Variants in H4C2 observed in about 807,000 individuals in gnomAD.
H4C2 encodes the protein histone H4.
H4C2 carries 8 observed loss-of-function variants against 5.0 expected under a neutral mutation model. The ratio of observed to expected loss-of-function variants is 1.61; its 90% confidence interval spans 0.94 to 2.90. The LOEUF is 2.90. Ranked by LOEUF, H4C2 falls within the 30% of genes most tolerant of loss-of-function variation. The pLI, the probability that H4C2 is intolerant of heterozygous loss-of-function variation, is 0.00. For missense variants in H4C2, 267 were observed against 145.6 expected (o/e 1.83, Z -4.29); for synonymous variants, 145 against 54.0 (o/e 2.69, Z -7.39).
chr6:26,027,031 C>G lies in H4C2; in HGVS notation c.222G>C (p.Thr74=), dbSNP rs776451272. The change falls in exon 1 of 1, where the codon ACG becomes ACC. Residue 74 remains threonine, a synonymous_variant. Transcript: ENST00000377745. ...TGACAGTCTTGCGCTTGGCGTGCTCCGTGTAGGTCACGGCGTCCCGGATCA... is the reference window on the plus strand; with the variant it reads ...TGACAGTCTTGCGCTTGGCGTGCTCGGTGTAGGTCACGGCGTCCCGGATCA... ...ENVIRDAVTY[T]EHAKRKTVTA... The G allele has an allele frequency of 6.2e-7, 1 of 1,614,182 alleles. No individual in the cohort carries two copies. The highest frequency in any genetic ancestry group is 8.5e-7 in the Non-Finnish European group (1 of 1,180,002).
In H4C2 at chr6:26,026,917, A is replaced by G; in HGVS notation, c.*24T>C. On this transcript the variant is annotated 3_prime_UTR_variant, in exon 1 of 1. Coordinates refer to ENST00000377745, the MANE Select transcript of H4C2 (RefSeq NM_003544.3). ...GGAGTGGGCGGCCCTGAAAAGGGCC[A>G]TTGGAAGAAAACTGACGAAAAGATT... 1 of 1,586,546 alleles carries G rather than the reference A, an allele frequency of 6.3e-7. No individual in the cohort carries two copies. The highest frequency in any genetic ancestry group is 1.2e-5 in the South Asian group (1 of 86,600).
chr6:26,027,122 A>G lies in H4C2; in HGVS notation c.131T>C (p.Val44Ala). 1 of 1,614,104 alleles carries G rather than the reference A, an allele frequency of 6.2e-7. No individual in the cohort carries two copies. The highest frequency in any genetic ancestry group is 8.5e-7 in the Non-Finnish European group (1 of 1,180,006). The change falls in exon 1 of 1, where the codon GTT becomes GCT. Residue 44 changes from valine (V) to alanine (A), a missense_variant. By Grantham distance (64) the Val-to-Ala change is moderately conservative. Coordinates refer to ENST00000377745, the MANE Select transcript of H4C2 (RefSeq NM_003544.3). The part of the protein sequence containing the change: ...AIRRLARRGG[V>A]KRISGLIYEE... Reference sequence around the variant, plus strand: ...ATAAATCAAACCGGAAATTCGCTTAACCCCACCACGCCTAGCAAGGCGCCG... The same window carrying G: ...ATAAATCAAACCGGAAATTCGCTTAGCCCCACCACGCCTAGCAAGGCGCCG...
rs772427705 is a variant in H4C2, at chr6:26,027,237, T to C, written c.16A>G (p.Lys6Glu). Residue 6 changes from lysine to glutamate, a missense_variant, in exon 1 of 1, where the codon AAA becomes GAA. Lys to Glu is a moderately conservative substitution (Grantham distance 56). Coordinates refer to ENST00000377745, the MANE Select transcript of H4C2 (RefSeq NM_003544.3). MSGRG[K>E]GGKGLGKGGA... is the part of the protein sequence containing the mutation. ...CCCTTACCCAAACCTTTACCGCCTT[T>C]GCCGCGACCAGACATGTCTAACCAG... The C allele has an allele frequency of 1.2e-6, 2 of 1,605,400 alleles. No homozygotes were observed. Among genetic ancestry groups the C allele is most frequent in the Non-Finnish European group, 1.7e-6 (2 of 1,172,620 alleles).
In H4C2 at chr6:26,027,283, C is replaced by G. The variant is rs370377709; in HGVS notation, c.-31G>C. 2 of 1,574,820 alleles carry G rather than the reference C, an allele frequency of 1.3e-6. No individual in the cohort carries two copies. The highest frequency in any genetic ancestry group is 1.8e-5 in the Admixed American group (1 of 56,844). On this transcript the variant is annotated 5_prime_UTR_variant, in exon 1 of 1. Coordinates refer to ENST00000377745, the MANE Select transcript of H4C2 (RefSeq NM_003544.3). The stretch of plus-strand genomic sequence containing the variant: ...ACCAGCTGACAACAAAAACCAGGTA[C>G]GCGAAAAGAAAGCAAGCCACGAGCA...
In H4C2 at chr6:26,026,976, GCTTGAGCGCGTAA is replaced by G; in HGVS notation, c.264_276del (p.Tyr89ValfsTer?). 1 of 1,614,000 alleles carries G rather than the reference GCTTGAGCGCGTAA, an allele frequency of 6.2e-7. No homozygotes were observed. Among genetic ancestry groups the G allele is most frequent in the Non-Finnish European group, 8.5e-7 (1 of 1,179,860 alleles). ...AAGCCGTACAGAGTGCGTCCTTGAC[GCTTGAGCGCGTAA>G]ACCACATCCATGGCAGTGACAGTCT... On this transcript the variant is annotated frameshift_variant, in exon 1 of 1. Coordinates refer to ENST00000377745, the MANE Select transcript of H4C2 (RefSeq NM_003544.3). LOFTEE classifies it high-confidence loss of function.
At position 26,027,205 on chromosome 6, in the gene H4C2, G is replaced by GC; in HGVS notation, c.47_48insG (p.Lys17GlnfsTer10). 1 of 1,613,652 alleles carries GC rather than the reference G, an allele frequency of 6.2e-7. No individual in the cohort carries two copies. The highest frequency in any genetic ancestry group is 8.5e-7 in the Non-Finnish European group (1 of 1,179,664). On this transcript the variant is annotated frameshift_variant, in exon 1 of 1. Transcript: ENST00000377745. LOFTEE classifies it high-confidence loss of function. Reference sequence around the variant, plus strand: ...CCCGCAGCACTTTTCGGTGACGCTTGGCACCTCCCTTACCCAAACCTTTAC... The same window carrying GC: ...CCCGCAGCACTTTTCGGTGACGCTTGCGCACCTCCCTTACCCAAACCTTTAC...
rs774582253 is a variant in H4C2, at chr6:26,027,067, A to G, written c.186T>C (p.Phe62=). 79 of 1,614,054 alleles carry G rather than the reference A, an allele frequency of 4.9e-5. No individual in the cohort carries two copies. Among genetic ancestry groups the G allele is most frequent in the Non-Finnish European group, 6.0e-5 (71 of 1,180,026 alleles). Residue 62 remains phenylalanine (F), a synonymous_variant, in exon 1 of 1, where the codon TTT becomes TTC. Coordinates refer to ENST00000377745, the MANE Select transcript of H4C2 (RefSeq NM_003544.3). ...YEETRGVLKV[F]LENVIRDAVT... ...CGGCGTCCCGGATCACGTTCTCCAG[A>G]AACACCTTGAGAACGCCACGAGTCT...
Position 26,027,237 on chromosome 6 carries a change from TG to T in H4C2, c.15del (p.Gly7AlafsTer44). 3 of 1,605,400 alleles carry T rather than the reference TG, an allele frequency of 1.9e-6. No homozygotes were observed. The highest frequency in any genetic ancestry group is 1.1e-5 in the South Asian group (1 of 90,970). On this transcript the variant is annotated frameshift_variant, in exon 1 of 1. Transcript: ENST00000377745. LOFTEE classifies it high-confidence loss of function. MSGR[G>X]KGGKGLGKGG... ...CCCTTACCCAAACCTTTACCGCCTT[TG>T]CCGCGACCAGACATGTCTAACCAGC...
Position 26,027,043 on chromosome 6 carries a change from G to A in H4C2, c.210C>T (p.Ala70=), listed in dbSNP as rs761834115. 1.1e-5 allele frequency: 17 copies of A among 1,614,012 alleles called. No individual in the cohort carries two copies. Among genetic ancestry groups the A allele is most frequent in the South Asian group, 6.6e-5 (6 of 91,082 alleles). ...KVFLENVIRD[A]VTYTEHAKRK... Reference sequence around the variant, plus strand: ...GCTTGGCGTGCTCCGTGTAGGTCACGGCGTCCCGGATCACGTTCTCCAGAA... The same window carrying A: ...GCTTGGCGTGCTCCGTGTAGGTCACAGCGTCCCGGATCACGTTCTCCAGAA... Residue 70 remains alanine (A), a synonymous_variant, in exon 1 of 1, where the codon GCC becomes GCT. Transcript: ENST00000377745.
At position 26,027,061 on chromosome 6, in the gene H4C2, C is replaced by T. The variant is rs769615653; in HGVS notation, c.192G>A (p.Glu64=). The change falls in exon 1 of 1, where the codon GAG becomes GAA. Residue 64 remains glutamate (E), a synonymous_variant. Transcript: ENST00000377745. ...AGGTCACGGCGTCCCGGATCACGTTCTCCAGAAACACCTTGAGAACGCCAC... is the reference window on the plus strand; with the variant it reads ...AGGTCACGGCGTCCCGGATCACGTTTTCCAGAAACACCTTGAGAACGCCAC... ...ETRGVLKVFL[E]NVIRDAVTYT... is the part of the protein sequence containing the mutation. 21 of 1,607,954 alleles carry T rather than the reference C, an allele frequency of 1.3e-5. No homozygotes were observed. The highest frequency in any genetic ancestry group is 3.3e-4 in the Middle Eastern group (2 of 6,058).
rs866289141 is a variant in H4C2, at chr6:26,027,049, C to A, written c.204G>T (p.Arg68=). ...CGTGCTCCGTGTAGGTCACGGCGTC[C>A]CGGATCACGTTCTCCAGAAACACCT... is the stretch of plus-strand genomic sequence containing the variant. ...VLKVFLENVI[R]DAVTYTEHAK... is the part of the protein sequence containing the mutation. Residue 68 remains arginine, a synonymous_variant, in exon 1 of 1, where the codon CGG becomes CGT. Transcript: ENST00000377745. 5.6e-6 allele frequency: 9 copies of A among 1,613,984 alleles called. No individual in the cohort carries two copies. The highest frequency in any genetic ancestry group is 7.6e-6 in the Non-Finnish European group (9 of 1,179,986).
In H4C2 at chr6:26,027,220, C is replaced by T. The variant is rs751358482; in HGVS notation, c.33G>A (p.Leu11=). The change falls in exon 1 of 1, where the codon TTG becomes TTA. Residue 11 remains leucine, a synonymous_variant. Transcript: ENST00000377745. MSGRGKGGKG[L]GKGGAKRHRK... Reference sequence around the variant, plus strand: ...GGTGACGCTTGGCACCTCCCTTACCCAAACCTTTACCGCCTTTGCCGCGAC... The same window carrying T: ...GGTGACGCTTGGCACCTCCCTTACCTAAACCTTTACCGCCTTTGCCGCGAC... 1.2e-5 allele frequency: 19 copies of T among 1,610,038 alleles called. No homozygotes were observed. The highest frequency in any genetic ancestry group is 3.3e-4 in the Middle Eastern group (2 of 6,074).
In H4C2 at chr6:26,027,196, G is replaced by A. The variant is rs752680111; in HGVS notation, c.57C>T (p.His19=). ...GGATGTTATCCCGCAGCACTTTTCG[G>A]TGACGCTTGGCACCTCCCTTACCCA... ...KGLGKGGAKR[H]RKVLRDNIQG... is the part of the protein sequence containing the mutation. Residue 19 remains histidine (H), a synonymous_variant, in exon 1 of 1, where the codon CAC becomes CAT. Coordinates refer to ENST00000377745, the MANE Select transcript of H4C2 (RefSeq NM_003544.3). The A allele has an allele frequency of 3.6e-5, 58 of 1,614,118 alleles. No homozygotes were observed. Among genetic ancestry groups the A allele is most frequent in the Non-Finnish European group, 2.9e-5 (34 of 1,179,940 alleles).
In H4C2 at chr6:26,027,124, C is replaced by G. The variant is rs749861454; in HGVS notation, c.129G>C (p.Gly43=). Residue 43 remains glycine (G), a synonymous_variant, in exon 1 of 1, where the codon GGG becomes GGC. Transcript: ENST00000377745. The part of the protein sequence containing the change: ...PAIRRLARRG[G]VKRISGLIYE... Reference sequence around the variant, plus strand: ...AAATCAAACCGGAAATTCGCTTAACCCCACCACGCCTAGCAAGGCGCCGAA... The same window carrying G: ...AAATCAAACCGGAAATTCGCTTAACGCCACCACGCCTAGCAAGGCGCCGAA... The G allele has an allele frequency of 6.2e-7, 1 of 1,614,070 alleles. No homozygotes were observed.
rs200017457 is a variant in H4C2 at position 26,027,001 on chromosome 6, G to A, written c.252C>T (p.Ala84=). The A allele has an allele frequency of 4.8e-5, 78 of 1,614,182 alleles. No individual in the cohort carries two copies. Among genetic ancestry groups the A allele is most frequent in the Middle Eastern group, 1.6e-4 (1 of 6,062 alleles). The change falls in exon 1 of 1, where the codon GCC becomes GCT. Residue 84 remains alanine (A), a synonymous_variant. Coordinates refer to ENST00000377745, the MANE Select transcript of H4C2 (RefSeq NM_003544.3). ...GCTTGAGCGCGTAAACCACATCCAT[G>A]GCAGTGACAGTCTTGCGCTTGGCGT... ...TEHAKRKTVT[A]MDVVYALKRQ... is the part of the protein sequence containing the mutation.
Position 26,026,919 on chromosome 6 carries a change from T to TA in H4C2, c.*21_*22insT. The TA allele has an allele frequency of 3.1e-6, 5 of 1,587,924 alleles. No homozygotes were observed. The highest frequency in any genetic ancestry group is 4.3e-6 in the Non-Finnish European group (5 of 1,164,850). On this transcript the variant is annotated 3_prime_UTR_variant, in exon 1 of 1. Coordinates refer to ENST00000377745, the MANE Select transcript of H4C2 (RefSeq NM_003544.3). ...AGTGGGCGGCCCTGAAAAGGGCCAT[T>TA]GGAAGAAAACTGACGAAAAGATTAA...
In H4C2 at chr6:26,027,258, A is replaced by G. The variant is rs372699705; in HGVS notation, c.-6T>C. ...CCTTTGCCGCGACCAGACATGTCTA[A>G]CCAGCTGACAACAAAAACCAGGTAC... On this transcript the variant is annotated 5_prime_UTR_variant, in exon 1 of 1. Transcript: ENST00000377745. The G allele has an allele frequency of 6.9e-5, 110 of 1,591,600 alleles. No individual in the cohort carries two copies. In the African/African-American group the frequency reaches 1.1e-3, roughly 17 times the overall value.
chr6:26,027,233 C>T lies in H4C2; in HGVS notation c.20G>A (p.Gly7Asp), dbSNP rs560733180. 5 of 1,605,700 alleles carry T rather than the reference C, an allele frequency of 3.1e-6. No individual in the cohort carries two copies. In the South Asian group the frequency reaches 3.3e-5, roughly 11 times the overall value. The change falls in exon 1 of 1, where the codon GGC becomes GAC. Residue 7 changes from glycine (G) to aspartate (D), a missense_variant. Transcript: ENST00000377745. MSGRGK[G>D]GKGLGKGGAK... ...ACCTCCCTTACCCAAACCTTTACCG[C>T]CTTTGCCGCGACCAGACATGTCTAA...
chr6:26,027,098 T>TA lies in H4C2; in HGVS notation c.154dup (p.Tyr52LeufsTer2). On this transcript the variant is annotated frameshift_variant, in exon 1 of 1. Transcript: ENST00000377745. LOFTEE classifies it high-confidence loss of function. ...CTTGAGAACGCCACGAGTCTCCTCA[T>TA]AAATCAAACCGGAAATTCGCTTAAC... The TA allele has an allele frequency of 1.9e-6, 3 of 1,614,190 alleles. No individual in the cohort carries two copies. Among genetic ancestry groups the TA allele is most frequent in the Non-Finnish European group, 2.5e-6 (3 of 1,180,022 alleles).
Sources: allele counts gnomAD v4.1 joint callset, GRCh38; gene constraint gnomAD v4.1.1; transcripts MANE v1.5; gene names NCBI Gene and HGNC (gene_info 2026-07-23, HGNC 2026-07-21).